AP1S3: variants seen among roughly 807,000 people sequenced by gnomAD.
AP1S3 encodes the protein adaptor related protein complex 1 subunit sigma 3.
In AP1S3, 10 loss-of-function variants were observed where a neutral mutation model predicts 20.9. The ratio of observed to expected loss-of-function variants is 0.48; its 90% CI spans 0.29 to 0.81. The LOEUF (loss-of-function observed/expected upper bound fraction) is 0.81. Ranked by LOEUF, AP1S3 falls within the 30% of genes least tolerant of loss-of-function variation. The pLI is 0.08. For missense variants in AP1S3, 154 were observed against 183.8 expected (o/e 0.84, Z 0.94); for synonymous variants, 41 against 61.5 (o/e 0.67, Z 1.56).
rs1690192960 is a variant in AP1S3, at chr2:223,755,557, G to T, written c.*3158C>A. Among the ~76,000 whole-genome samples, 1 of 143,132 alleles carries T rather than the reference G, an allele frequency of 7.0e-6. No individual in the cohort carries two copies. 93.9% of individuals were successfully genotyped at this position (143,132 alleles called of 152,430 possible). A position where few individuals can be genotyped will look rare whatever the true frequency, so the allele number is the denominator to read the frequency against. ...TTTTTTTTTTTTTTTTTGAGACAGG[G>T]TCTCACTCTGTCACCCGGGCTGGAG... is the stretch of plus-strand genomic sequence containing the variant. On this transcript the variant is annotated 3_prime_UTR_variant, in exon 5 of 5. Transcript: ENST00000396654.
intron 1 of AP1S3, among the ~76,000 whole-genome samples, chr2:223,799,850 T>C (rs1691425453): frequency 6.6e-6 from 1 of 152,072 alleles, no homozygotes; most frequent in African/African-American, 2.4e-5. Context: ...AATATATAAA[T>C]AGAATTACAC....
In AP1S3 at chr2:223,757,138, T is replaced by A; in HGVS notation, c.*1577A>T. 2.9e-6 allele frequency: 1 copy of A among 341,196 alleles called. No homozygotes were observed. Among genetic ancestry groups the A allele is most frequent in the Non-Finnish European group, 4.2e-6 (1 of 240,434 alleles). 21.1% of individuals were successfully genotyped at this position (341,196 alleles called of 1,614,324 possible). ...CTGAGTAGCTGGGATTACAGGCACC[T>A]GCCACCATGCCCGGCTAATTTTTTT... On this transcript the variant is annotated 3_prime_UTR_variant, in exon 5 of 5. Coordinates refer to ENST00000396654, the MANE Select transcript of AP1S3 (RefSeq NM_001039569.2).
intron 1 of AP1S3, among the ~76,000 whole-genome samples, chr2:223,806,530 C>T (rs1364562821): frequency 1.3e-5 from 2 of 152,074 alleles, no homozygotes; most frequent in Non-Finnish European, 2.9e-5. Context: ...GTGATCTGCC[C>T]ACCTCAGCCT....
intron 1 of AP1S3, among the ~76,000 whole-genome samples, chr2:223,806,074 CA>C (rs1438699019): frequency 6.6e-6 from 1 of 152,078 alleles, no homozygotes; most frequent in Non-Finnish European, 1.5e-5. Flanking sequence ...GGGTCAAACA[CA>C]AGAAAAACTG....
chr2:223,790,819 C>A (rs1031034377), intron 1 of AP1S3, among the ~76,000 whole-genome samples: 3 of 151,846 alleles, frequency 2.0e-5, no homozygotes, highest in South Asian at 4.2e-4. Context: ...TAATCACAAC[C>A]AGAAATGATA....
chr2:223,809,540 G>T (rs1227401441), intron 1 of AP1S3, among the ~76,000 whole-genome samples: 1 of 151,800 alleles, frequency 6.6e-6, no homozygotes, highest in Admixed American at 6.6e-5. Context: ...AGCTACTCGG[G>T]AGGCTGAGGC....
chr2:223,780,304 TATATAGAGAGAGAGAGAG>T (rs1478082283), intron 1 of AP1S3, among the ~76,000 whole-genome samples: 1 of 46,042 alleles, frequency 2.2e-5, no homozygotes, highest in African/African-American at 9.6e-5. Flanking sequence ...TATATATATA[TATATAGAGAGAGAGAGAG>T]AGAGAGAGAG....
At chr2:223,759,552 C>T (rs1690303408) in intron 4 of AP1S3, among the ~76,000 whole-genome samples, 1 of 152,156 alleles carries the variant, frequency 6.6e-6, no homozygotes, top group Non-Finnish European at 1.5e-5. Flanking sequence ...ACAAGGTTCA[C>T]AGGAAAAAAT....
chr2:223,823,684 C>T (rs1692049040), intron 1 of AP1S3, among the ~76,000 whole-genome samples: 1 of 152,092 alleles, frequency 6.6e-6, no homozygotes, highest in Non-Finnish European at 1.5e-5. Context: ...AACATGGTGA[C>T]TATAGTTAAA....
rs1690204163 is a variant in AP1S3, at chr2:223,756,033, A to G, written c.*2682T>C. 1 of 985,276 alleles carries G rather than the reference A, an allele frequency of 1.0e-6. No homozygotes were observed. 61.0% of individuals were successfully genotyped at this position (985,276 alleles called of 1,614,324 possible). A position where few individuals can be genotyped will look rare whatever the true frequency, so the allele number is the denominator to read the frequency against. Reference sequence around the variant, plus strand: ...TTTACATGAGGTCCATCTTTACAAAATTGTATTGAAAAATAAAGAATTTGG... The same window carrying G: ...TTTACATGAGGTCCATCTTTACAAAGTTGTATTGAAAAATAAAGAATTTGG... On this transcript the variant is annotated 3_prime_UTR_variant, in exon 5 of 5. Coordinates refer to ENST00000396654, the MANE Select transcript of AP1S3 (RefSeq NM_001039569.2).
intron 4 of AP1S3, among the ~76,000 whole-genome samples, chr2:223,759,734 C>A (rs1574681159): frequency 6.6e-6 from 1 of 152,058 alleles, no homozygotes; most frequent in African/African-American, 2.4e-5. Flanking sequence ...AGCCTAGGAC[C>A]CATGAGTCAT....
intron 3 of AP1S3, among the ~76,000 whole-genome samples, chr2:223,769,718 T>C (rs1226423136): frequency 6.8e-6 from 1 of 148,058 alleles, no homozygotes; most frequent in Non-Finnish European, 1.5e-5. Context: ...TGCAGAATAA[T>C]ATGCAGAATG....
intron 1 of AP1S3, among the ~76,000 whole-genome samples, chr2:223,783,000 A>C (rs1437342941): frequency 6.6e-6 from 1 of 152,210 alleles, no homozygotes. Flanking sequence ...AGGTTAATAA[A>C]AAATACCATT....
At chr2:223,833,888 T>TTATG (rs1195042787) in intron 1 of AP1S3, among the ~76,000 whole-genome samples, 2 of 141,962 alleles carry the variant, frequency 1.4e-5, no homozygotes, top group African/African-American at 6.0e-5. Flanking sequence ...CTCTTTTTAT[T>TTATG]TATTTATTTA....
intron 1 of AP1S3, among the ~76,000 whole-genome samples, chr2:223,796,111 T>G (rs1421679886): frequency 6.6e-6 from 1 of 152,142 alleles, no homozygotes; most frequent in Non-Finnish European, 1.5e-5. Flanking sequence ...AGGTGGAGGA[T>G]GCAGTGAGCC....
chr2:223,761,549 C>T lies in AP1S3; in HGVS notation c.430-2799G>A, dbSNP rs115192740. ...AAGTGATCCTTTCACCTTAGCCTTCCGAGTAGCTGGAATTACAGGTGTACA... is the reference window on the plus strand; with the variant it reads ...AAGTGATCCTTTCACCTTAGCCTTCTGAGTAGCTGGAATTACAGGTGTACA... On this transcript the variant is annotated intron_variant, in intron 4 of 4. Transcript: ENST00000396654. Among the ~76,000 whole-genome samples the T allele has an allele frequency of 8.5e-3, 1,290 of 152,136 alleles. 19 individuals carry two copies. The highest frequency in any genetic ancestry group is 0.029 in the African/African-American group (1,215 of 41,528).
In AP1S3 at chr2:223,787,184, G is replaced by A. The variant is rs376721588; in HGVS notation, c.4-9315C>T. Among the ~76,000 whole-genome samples, 61 of 152,228 alleles carry A rather than the reference G, an allele frequency of 4.0e-4. No homozygotes were observed. In the East Asian group the frequency reaches 7.7e-3, roughly 19 times the overall value. ...CCATGTGAGGTACTGCTTCCCCTTC[G>A]CCTTCAACCATGATTGTAAGTTTCC... is the stretch of plus-strand genomic sequence containing the variant. On this transcript the variant is annotated intron_variant, in intron 1 of 4. Transcript: ENST00000396654.
Position 223,834,849 on chromosome 2 carries a change from C to CA in AP1S3, c.3+2598dup, listed in dbSNP as rs200468811. 1.5e-3 allele frequency among the ~76,000 whole-genome samples: 219 copies of CA among 148,196 alleles called. 2 individuals carry two copies. In the East Asian group the frequency reaches 0.037, roughly 25 times the overall value. On this transcript the variant is annotated intron_variant, in intron 1 of 4. Transcript: ENST00000396654. The stretch of plus-strand genomic sequence containing the variant: ...GACCAATAACAATATTTTTCCAAAG[C>CA]AAAAAAAAAATTAGTGAAAAGCATG...
chr2:223,798,646 G>A (rs1691400218), intron 1 of AP1S3, among the ~76,000 whole-genome samples: 1 of 152,134 alleles, frequency 6.6e-6, no homozygotes, highest in Non-Finnish European at 1.5e-5. Flanking sequence ...AAGAAAAGAA[G>A]GAAGGAAGGA....
Sources: allele counts gnomAD v4.1 joint callset (sites outside exome capture counted in the v4.1 genomes callset), GRCh38; gene constraint gnomAD v4.1.1; transcripts MANE v1.5; gene names NCBI Gene and HGNC (gene_info 2026-07-23, HGNC 2026-07-21).